Variants in NIM1K observed in about 807,000 individuals in gnomAD.
The protein encoded by NIM1K is serine/threonine-protein kinase NIM1.
NIM1K carries 35 observed loss-of-function variants against 37.1 expected under a neutral mutation model. The ratio of observed to expected loss-of-function variants is 0.94; its 90% CI spans 0.72 to 1.25. The LOEUF is 1.25. NIM1K is among the 50% of genes most tolerant of loss of function. The pLI, the probability that NIM1K is intolerant of heterozygous loss-of-function variation, is 0.00. For synonymous variants in NIM1K, 234 were observed against 206.6 expected, an observed-to-expected ratio of 1.13 and a Z score of -1.14; for missense variants, 564 against 548.0, an observed-to-expected ratio of 1.03 and a Z score of -0.29.
chr5:43,219,952 C>T (rs1265630865), intron 1 of NIM1K, among the ~76,000 whole-genome samples: 1 of 152,024 alleles, frequency 6.6e-6, no homozygotes, highest in African/African-American at 2.4e-5. Context: ...GTCTTGAACT[C>T]CTGACCTCGT....
intron 1 of NIM1K, among the ~76,000 whole-genome samples, chr5:43,204,777 C>T (rs937686605): frequency 2.2e-4 from 33 of 150,114 alleles, no homozygotes; most frequent in Admixed American, 6.6e-4. Context: ...GAGGCTGAGG[C>T]GGGTGGATTA....
chr5:43,246,067 G>T lies in NIM1K; in HGVS notation c.292G>T (p.Glu98Ter). 1 of 1,605,658 alleles carries T rather than the reference G, an allele frequency of 6.2e-7. No individual in the cohort carries two copies. The highest frequency in any genetic ancestry group is 8.5e-7 in the Non-Finnish European group (1 of 1,175,322). ...VKLGIHSLTKEKVAIKILDKT... is the reference protein window; with the variant it reads ...VKLGIHSLTK ...GCTTGGGATTCACTCCCTAACCAAAGGTAGGATCCGACTTCCCAAGGGTCA... is the reference window on the plus strand; with the variant it reads ...GCTTGGGATTCACTCCCTAACCAAATGTAGGATCCGACTTCCCAAGGGTCA... The change falls in exon 2 of 4, where the codon GAA (glutamate) becomes TAA (stop). Residue 98 changes from glutamate (E) to a stop codon, truncating the protein, a stop_gained and splice_region_variant. Coordinates refer to ENST00000326035, the MANE Select transcript of NIM1K (RefSeq NM_153361.4). LOFTEE classifies it high-confidence loss of function.
chr5:43,198,865 CT>C (rs1184199394), intron 1 of NIM1K, among the ~76,000 whole-genome samples: 2 of 152,034 alleles, frequency 1.3e-5, no homozygotes, highest in African/African-American at 4.8e-5. Context: ...TAGCAGGCAC[CT>C]TTTAGGGCTG....
Position 43,247,810 on chromosome 5 carries a change from G to A in NIM1K, c.292+1743G>A, listed in dbSNP as rs983785766. ...TTTGTATTTTAAAATCAATTATGAG[G>A]TATTGTGTCAGGTTTCCATGCTACG... On this transcript the variant is annotated intron_variant, in intron 2 of 3. Coordinates refer to ENST00000326035, the MANE Select transcript of NIM1K (RefSeq NM_153361.4). 5.3e-5 allele frequency among the ~76,000 whole-genome samples: 8 copies of A among 152,288 alleles called. No homozygotes were observed. The South Asian group carries it at 6.2e-4, about 12-fold the overall frequency.
intron 1 of NIM1K, among the ~76,000 whole-genome samples, chr5:43,220,403 A>T (rs1752364629): frequency 6.7e-6 from 1 of 149,104 alleles, no homozygotes; most frequent in African/African-American, 2.5e-5. Flanking sequence ...CTCCTGCCTT[A>T]GCATCCCGAG....
intron 1 of NIM1K, among the ~76,000 whole-genome samples, chr5:43,220,676 C>A (rs1484864820): frequency 6.6e-6 from 1 of 152,132 alleles, no homozygotes; most frequent in Non-Finnish European, 1.5e-5. Flanking sequence ...TTAATCAAAA[C>A]CTAGTTTAGA....
At chr5:43,277,559 T>C (rs983871323) in intron 3 of NIM1K, among the ~76,000 whole-genome samples, 4 of 152,096 alleles carry the variant, frequency 2.6e-5, no homozygotes, top group African/African-American at 9.7e-5. Context: ...TTGGCAGGAA[T>C]CACTGGGAGC....
At chr5:43,224,838 G>T (rs1236909538) in intron 1 of NIM1K, among the ~76,000 whole-genome samples, 1 of 151,754 alleles carries the variant, frequency 6.6e-6, no homozygotes, top group Non-Finnish European at 1.5e-5. Flanking sequence ...TGCGATTACA[G>T]GCGTCCACCA....
At chr5:43,279,710 G>A (rs1753407759) in intron 3 of NIM1K, among the ~76,000 whole-genome samples, 1 of 152,164 alleles carries the variant, frequency 6.6e-6, no homozygotes, top group Admixed American at 6.5e-5. Flanking sequence ...ATAAGATCTG[G>A]GTCTGATTTC....
chr5:43,259,094 C>T (rs1224113997), intron 2 of NIM1K, among the ~76,000 whole-genome samples: 2 of 152,130 alleles, frequency 1.3e-5, no homozygotes, highest in South Asian at 2.1e-4. Context: ...TTATTTTATT[C>T]TTTTTCATAG....
At chr5:43,207,077 G>T (rs563978158) in intron 1 of NIM1K, 1 of 718,348 alleles carries the variant, frequency 1.4e-6, no homozygotes, top group African/African-American at 1.7e-5. Context: ...ACCTATGGGC[G>T]CCTGGTTGAA....
At chr5:43,264,397 A>G (rs1279914523) in intron 2 of NIM1K, among the ~76,000 whole-genome samples, 1 of 151,824 alleles carries the variant, frequency 6.6e-6, no homozygotes, top group Admixed American at 6.6e-5. Context: ...GTCTCTTTTG[A>G]TCTTTGTTAG....
chr5:43,269,618 T>A (rs928801277), intron 2 of NIM1K, among the ~76,000 whole-genome samples: 1 of 152,002 alleles, frequency 6.6e-6, no homozygotes. Flanking sequence ...TGTTTTTATT[T>A]TTTTATTTTA....
Position 43,225,701 on chromosome 5 carries a change from T to A in NIM1K, c.-694-19381T>A, listed in dbSNP as rs1296591249. 36 of 155,230 alleles carry A rather than the reference T, an allele frequency of 2.3e-4. No homozygotes were observed. The Admixed American group carries it at 2.4e-3, about 10-fold the overall frequency. The allele number at this position is 155,230 out of a possible 1,614,324, so 9.6% of individuals were successfully genotyped here. A position where few individuals can be genotyped will look rare whatever the true frequency, so the allele number is the denominator to read the frequency against. On this transcript the variant is annotated intron_variant, in intron 1 of 3. Transcript: ENST00000326035. ...CCACTCAAGAGGCACCAGGCTTCCA[T>A]CCACATCCCAGGATGTGCTTCTGCC...
intron 1 of NIM1K, among the ~76,000 whole-genome samples, chr5:43,241,782 C>G (rs1195905788): frequency 6.6e-6 from 1 of 151,884 alleles, no homozygotes; most frequent in South Asian, 2.1e-4. Context: ...TACTTTTGGG[C>G]AAACAGAAAA....
intron 1 of NIM1K, among the ~76,000 whole-genome samples, chr5:43,197,902 C>T (rs908395649): frequency 5.9e-5 from 9 of 152,170 alleles, no homozygotes; most frequent in Non-Finnish European, 1.2e-4. Flanking sequence ...CTGGGGGTAA[C>T]TTGTACACTT....
At chr5:43,222,456 T>C (rs963640047) in intron 1 of NIM1K, among the ~76,000 whole-genome samples, 5 of 152,114 alleles carry the variant, frequency 3.3e-5, no homozygotes, top group African/African-American at 1.2e-4. Context: ...GGGCCAGGTG[T>C]GGTGGCTCAC....
chr5:43,258,823 A>G (rs1752986178), intron 2 of NIM1K, among the ~76,000 whole-genome samples: 1 of 152,034 alleles, frequency 6.6e-6, no homozygotes. Flanking sequence ...TTTTGGTTAC[A>G]ATGATGAACT....
intron 2 of NIM1K, among the ~76,000 whole-genome samples, chr5:43,258,401 A>C (rs1752977698): frequency 6.6e-6 from 1 of 151,886 alleles, no homozygotes; most frequent in African/African-American, 2.4e-5. Context: ...GCTATTATGA[A>C]TAACATTGAT....
Sources: allele counts gnomAD v4.1 joint callset (sites outside exome capture counted in the v4.1 genomes callset), GRCh38; gene constraint gnomAD v4.1.1; transcripts MANE v1.5; gene names NCBI Gene and HGNC (gene_info 2026-07-23, HGNC 2026-07-21).